Variants in STT3B observed in about 807,000 individuals in gnomAD.
STT3B encodes dolichyl-diphosphooligosaccharide--protein glycosyltransferase subunit STT3B.
STT3B carries 29 observed loss-of-function variants against 96.8 expected under a neutral mutation model. That is an observed-to-expected ratio of 0.30 (90% CI 0.22 to 0.41). STT3B has a LOEUF of 0.41. Ranked by LOEUF, STT3B falls within the 10% of genes least tolerant of loss-of-function variation. The pLI is 1.00. For synonymous variants in STT3B, 367 were observed against 360.0 expected (o/e 1.02, Z -0.22); for missense variants, 640 against 1,022.3 (o/e 0.63, Z 5.10).
At position 31,600,401 on chromosome 3, in the gene STT3B, T is replaced by A. The variant is rs753911628; in HGVS notation, c.819T>A (p.Ile273=). The A allele has an allele frequency of 1.2e-5, 19 of 1,597,444 alleles. No individual in the cohort carries two copies. In the East Asian group the frequency reaches 4.3e-4, roughly 36 times the overall value. Residue 273 remains isoleucine, a synonymous_variant, in exon 5 of 16, where the codon ATT becomes ATA. Transcript: ENST00000295770. The part of the protein sequence containing the change: ...WGGYVFIINL[I]PLHVFVLLLM... ...GTTATGTATTTATCATCAATCTTAT[T>A]CCACTGCATGTATTTGTGTTGTTAC...
At chr3:31,564,038 C>G (rs1697942442) in intron 1 of STT3B, among the ~76,000 whole-genome samples, 1 of 152,090 alleles carries the variant, frequency 6.6e-6, no homozygotes, top group Admixed American at 6.6e-5. Context: ...AACCGGGACC[C>G]AAACAGCATT....
chr3:31,538,365 A>G (rs1037995929), intron 1 of STT3B, among the ~76,000 whole-genome samples: 3 of 152,178 alleles, frequency 2.0e-5, no homozygotes, highest in South Asian at 2.1e-4. Context: ...ATCAGATTCC[A>G]TCATTCCAGG....
intron 1 of STT3B, among the ~76,000 whole-genome samples, chr3:31,551,372 C>T (rs1213347314): frequency 4.6e-5 from 7 of 152,052 alleles, no homozygotes; most frequent in African/African-American, 1.7e-4. Context: ...CATGCCACCA[C>T]GCCTGGCTAA....
At position 31,635,940 on chromosome 3, in the gene STT3B, A is replaced by G. The variant is rs3749408; in HGVS notation, c.2401-44A>G. On this transcript the variant is annotated intron_variant, in intron 15 of 15. Transcript: ENST00000295770. Reference sequence around the variant, plus strand: ...GTGTGTGTTTATAGATTTTTTAATCAGTAAGAAACCTGCATTAATACTATG... The same window carrying G: ...GTGTGTGTTTATAGATTTTTTAATCGGTAAGAAACCTGCATTAATACTATG... 20,909 of 1,432,212 alleles carry G rather than the reference A, an allele frequency of 0.015. 2,193 individuals carry two copies. The East Asian group carries it at 0.3, about 20-fold the overall frequency. 88.7% of individuals were successfully genotyped at this position (1,432,212 alleles called of 1,614,324 possible).
intron 1 of STT3B, among the ~76,000 whole-genome samples, chr3:31,552,875 G>A (rs373513648): frequency 9.2e-4 from 140 of 152,022 alleles, no homozygotes; most frequent in African/African-American, 3.2e-3. Context: ...AGGCCGAGAC[G>A]GGCGGATCAC....
At chr3:31,602,037 C>A (rs1698940327) in intron 5 of STT3B, among the ~76,000 whole-genome samples, 1 of 152,012 alleles carries the variant, frequency 6.6e-6, no homozygotes, top group Admixed American at 6.6e-5. Flanking sequence ...GGCTGGAGTT[C>A]CACTTGAGTC....
intron 1 of STT3B, among the ~76,000 whole-genome samples, chr3:31,533,869 C>CAAAA (rs1206844992): frequency 2.0e-5 from 3 of 152,152 alleles, no homozygotes; most frequent in Non-Finnish European, 4.4e-5. Flanking sequence ...TGCAGTTTTA[C>CAAAA]GCTTTTACTG....
At chr3:31,626,241 T>A in intron 13 of STT3B, 114 bp downstream of exon 13, 1 of 962,368 alleles carries the variant, frequency 1.0e-6, no homozygotes, top group Non-Finnish European at 1.5e-6. Context: ...TCAGATTAGT[T>A]CCTTACCCTG....
chr3:31,614,381 A>G (rs1038537940), intron 5 of STT3B, among the ~76,000 whole-genome samples: 2 of 152,032 alleles, frequency 1.3e-5, no homozygotes, highest in African/African-American at 4.8e-5. Context: ...GTGAATATAA[A>G]GCAGGTATTT....
chr3:31,556,210 AT>A (rs1403848809), intron 1 of STT3B, among the ~76,000 whole-genome samples: 8 of 151,856 alleles, frequency 5.3e-5, no homozygotes, highest in African/African-American at 1.9e-4. Flanking sequence ...AGTTCCATCC[AT>A]GTTGCTGCAG....
intron 7 of STT3B, 98 bp downstream of exon 7, chr3:31,617,173 A>G (rs1323715410): frequency 1.8e-5 from 17 of 930,492 alleles, no homozygotes; most frequent in Non-Finnish European, 2.4e-5. Flanking sequence ...CATGACTACA[A>G]AGTGATTTTT....
At chr3:31,572,184 TATATA>T (rs938562078) in intron 1 of STT3B, among the ~76,000 whole-genome samples, 14 of 143,466 alleles carry the variant, frequency 9.8e-5, no homozygotes, top group Admixed American at 2.8e-4. Context: ...ATATATGAGA[TATATA>T]ATATATAATT....
chr3:31,589,858 G>A (rs999023824), intron 3 of STT3B, among the ~76,000 whole-genome samples: 3 of 151,692 alleles, frequency 2.0e-5, no homozygotes, highest in African/African-American at 7.3e-5. Flanking sequence ...TGTACTGACT[G>A]GAACCTCTAA....
Position 31,576,383 on chromosome 3 carries a change from C to G in STT3B, c.315-13C>G. ...GCAGTTTTATAACATTTCTTTTTATCTCTTTTCTCTAGGTTTAACTATAGA... is the reference window on the plus strand; with the variant it reads ...GCAGTTTTATAACATTTCTTTTTATGTCTTTTCTCTAGGTTTAACTATAGA... On this transcript the variant is annotated splice_polypyrimidine_tract_variant and intron_variant, in intron 1 of 15. Coordinates refer to ENST00000295770, the MANE Select transcript of STT3B (RefSeq NM_178862.3). 1 of 1,474,688 alleles carries G rather than the reference C, an allele frequency of 6.8e-7. No homozygotes were observed. Among genetic ancestry groups the G allele is most frequent in the Admixed American group, 2.0e-5 (1 of 49,564 alleles). 91.4% of individuals were successfully genotyped at this position (1,474,688 alleles called of 1,614,324 possible). A position where few individuals can be genotyped will look rare whatever the true frequency, so the allele number is the denominator to read the frequency against.
chr3:31,536,203 T>G (rs1022982545), intron 1 of STT3B, among the ~76,000 whole-genome samples: 3 of 149,678 alleles, frequency 2.0e-5, no homozygotes, highest in Admixed American at 1.3e-4. Context: ...ATTATTACTT[T>G]GGGCTTTTAA....
chr3:31,575,711 G>A (rs1698248719), intron 1 of STT3B, among the ~76,000 whole-genome samples: 1 of 151,978 alleles, frequency 6.6e-6, no homozygotes, highest in South Asian at 2.1e-4. Context: ...TCCCTGCTTC[G>A]AAATAGTAGG....
intron 3 of STT3B, among the ~76,000 whole-genome samples, chr3:31,594,338 C>T (rs2125460241): frequency 6.6e-6 from 1 of 152,252 alleles, no homozygotes; most frequent in African/African-American, 2.4e-5. Context: ...CCCCAAGACA[C>T]TGTCCCAGCT....
rs186926288 is a variant in STT3B, at chr3:31,619,929, A to G, written c.1327+99A>G. On this transcript the variant is annotated intron_variant, in intron 9 of 15. Transcript: ENST00000295770. ...TTTGTTTTTCTATGTTTGACTCTAT[A>G]TATTCAAGATAAATTTTCTCCTTTA... 3.7e-3 allele frequency: 5,578 copies of G among 1,511,310 alleles called. 25 individuals are homozygous for G. Among genetic ancestry groups the G allele is most frequent in the South Asian group, 3.7e-3 (293 of 78,538 alleles). The allele number at this position is 1,511,310 out of a possible 1,614,324, so 93.6% of individuals were successfully genotyped here.
rs112126112 is a variant in STT3B at position 31,556,446 on chromosome 3, G to C, written c.315-19950G>C. 1.5e-3 allele frequency among the ~76,000 whole-genome samples: 225 copies of C among 152,180 alleles called. 1 individual carries two copies. Among genetic ancestry groups the C allele is most frequent in the African/African-American group, 5.3e-3 (220 of 41,528 alleles). The stretch of plus-strand genomic sequence containing the variant: ...AGTGGGGTTGCTGGATTATATGGTA[G>C]TTCTATTTTTAGTTTTTGGAGAAAT... On this transcript the variant is annotated intron_variant, in intron 1 of 15. Transcript: ENST00000295770.
Sources: allele counts gnomAD v4.1 joint callset (sites outside exome capture counted in the v4.1 genomes callset), GRCh38; gene constraint gnomAD v4.1.1; transcripts MANE v1.5; gene names NCBI Gene and HGNC (gene_info 2026-07-23, HGNC 2026-07-21).